The following SH2D3C variants were observed in gnomAD, a reference collection of about 807,000 sequenced individuals.
SH2D3C encodes the protein SH2 domain-containing protein 3C.
In SH2D3C, 25 loss-of-function variants were observed where a neutral mutation model predicts 75.2. The ratio of observed to expected loss-of-function variants is 0.33; its 90% CI spans 0.24 to 0.46. The LOEUF (loss-of-function observed/expected upper bound fraction) is 0.46, where lower values mean the gene tolerates loss of function less well. SH2D3C is among the 20% of genes least tolerant of loss of function. The pLI, the probability that SH2D3C is intolerant of heterozygous loss-of-function variation, is 1.00. For synonymous variants in SH2D3C, 450 were observed against 473.7 expected, an observed-to-expected ratio of 0.95 and a Z score of 0.65; for missense variants, 933 against 1,165.3, an observed-to-expected ratio of 0.80 and a Z score of 2.90.
chr9:127,744,535 C>T (rs1554795458), intron 7 of SH2D3C, 29 bp downstream of exon 7: 1 of 1,579,368 alleles, frequency 6.3e-7, no homozygotes, highest in Non-Finnish European at 8.6e-7. Flanking sequence ...GAGATGCTCC[C>T]TCCACCCCAG....
At position 127,738,782 on chromosome 9, in the gene SH2D3C, G is replaced by A. The variant is rs1351156894; in HGVS notation, c.2547C>T (p.His849=). The A allele has an allele frequency of 2.5e-6, 4 of 1,608,828 alleles. No homozygotes were observed. The highest frequency in any genetic ancestry group is 3.4e-6 in the Non-Finnish European group (4 of 1,177,794). The change falls in exon 12 of 12, where the codon CAC becomes CAT. Residue 849 remains histidine, a synonymous_variant. Coordinates refer to ENST00000314830, the MANE Select transcript of SH2D3C (RefSeq NM_170600.3). This position sits in a 1 kb window ranked among gnomAD's most constrained non-coding sequence, Gnocchi z 5.0. ...KFDKVLTALS[H]KLEPAVRSSE... ...TGGAGCGGACAGCAGGTTCCAGCTTGTGGGACAGGGCAGTGAGGACCTTGT... is the reference window on the plus strand; with the variant it reads ...TGGAGCGGACAGCAGGTTCCAGCTTATGGGACAGGGCAGTGAGGACCTTGT...
rs2131791036 is a variant in SH2D3C, at chr9:127,761,626, G to T, written c.540C>A (p.Gly180=). The stretch of plus-strand genomic sequence containing the variant: ...CCCCTCCTACCTTCACATAGTCGCT[G>T]CCAGCCTCTGGCTCTCCAGCAGCCC... ...SERAAGEPEA[G]SDYVKFSKEK... Residue 180 remains glycine, a synonymous_variant, in exon 3 of 12, where the codon GGC becomes GGA. Coordinates refer to ENST00000314830, the MANE Select transcript of SH2D3C (RefSeq NM_170600.3). 5.0e-6 allele frequency: 8 copies of T among 1,611,758 alleles called. No individual in the cohort carries two copies. Among genetic ancestry groups the T allele is most frequent in the Non-Finnish European group, 6.8e-6 (8 of 1,178,856 alleles).
chr9:127,756,738 G>A (rs374063175), intron 3 of SH2D3C, among the ~76,000 whole-genome samples: 14 of 141,704 alleles, frequency 9.9e-5, no homozygotes, highest in Admixed American at 7.7e-4. Context: ...TCCGCCTCCC[G>A]CGTTCATGCC....
Position 127,739,689 on chromosome 9 carries a change from C to T in SH2D3C, c.2400G>A (p.Lys800=), listed in dbSNP as rs543780293. 2.7e-5 allele frequency: 44 copies of T among 1,602,288 alleles called. No individual in the cohort carries two copies. The South Asian group carries it at 4.4e-4, about 16-fold the overall frequency. Residue 800 remains lysine (K), a synonymous_variant, in exon 11 of 12, where the codon AAG becomes AAA. Coordinates refer to ENST00000314830, the MANE Select transcript of SH2D3C (RefSeq NM_170600.3). The surrounding 1 kb of genome is among the most constrained non-coding windows in gnomAD (Gnocchi z 4.3). ...ATGCCACCCGCCACTCACCCTGCAG[C>T]TTGACTTCAGCATTGGTGTGGTACA... ...GGLYHTNAEV[K]LQGFQARPEL...
At chr9:127,761,419 G>T (rs1354166891) in intron 3 of SH2D3C, among the ~76,000 whole-genome samples, 192 bp downstream of exon 3, 1 of 152,124 alleles carries the variant, frequency 6.6e-6, no homozygotes, top group East Asian at 1.9e-4. Flanking sequence ...AATAATGGCT[G>T]GTGTAGGAAG....
chr9:127,773,643 A>G (rs1463053649), intron 2 of SH2D3C, among the ~76,000 whole-genome samples: 1 of 152,006 alleles, frequency 6.6e-6, no homozygotes, highest in Non-Finnish European at 1.5e-5. Context: ...CCAGATGTGT[A>G]CTGGGTTAAA....
rs1845149127 is a variant in SH2D3C, at chr9:127,749,948, G to A, written c.685-283C>T. 6.6e-6 allele frequency among the ~76,000 whole-genome samples: 1 copy of A among 152,072 alleles called. No individual in the cohort carries two copies. ...AGGCACAGAGGCCCAGGGTCTGGAG[G>A]AGTGAGAATGGCTGTGACCTGAGAC... On this transcript the variant is annotated intron_variant, in intron 4 of 11. Transcript: ENST00000314830. This position sits in a 1 kb window ranked among gnomAD's most constrained non-coding sequence, Gnocchi z 5.9.
rs960286239 is a variant in SH2D3C at position 127,742,784 on chromosome 9, C to T, written c.1916+65G>A. 2.1e-5 allele frequency: 28 copies of T among 1,307,588 alleles called. No homozygotes were observed. In the Admixed American group the frequency reaches 4.1e-4, roughly 19 times the overall value. 81.0% of individuals were successfully genotyped at this position (1,307,588 alleles called of 1,614,324 possible). A position where few individuals can be genotyped will look rare whatever the true frequency, so the allele number is the denominator to read the frequency against. ...GAGGCTGTGATTGGCCAACCCGCCCCGTCCAGCGGGGAGTGCGGTAGCCGG... is the reference window on the plus strand; with the variant it reads ...GAGGCTGTGATTGGCCAACCCGCCCTGTCCAGCGGGGAGTGCGGTAGCCGG... On this transcript the variant is annotated intron_variant, in intron 8 of 11. Transcript: ENST00000314830.
At chr9:127,769,461 G>A (rs1453278057) in intron 2 of SH2D3C, among the ~76,000 whole-genome samples, 3 of 151,916 alleles carry the variant, frequency 2.0e-5, no homozygotes, top group Non-Finnish European at 2.9e-5. Flanking sequence ...TGACCAACAT[G>A]GAGAAACTAC....
chr9:127,739,903 G>C lies in SH2D3C; in HGVS notation c.2201-15C>G, dbSNP rs1041673840. ...CGGCGGGCCTTCTGCAAGGAGAAAGGCAGCAGGCGCTTAAAGATCCTGTAG... is the reference window on the plus strand; with the variant it reads ...CGGCGGGCCTTCTGCAAGGAGAAAGCCAGCAGGCGCTTAAAGATCCTGTAG... On this transcript the variant is annotated splice_polypyrimidine_tract_variant and intron_variant, in intron 10 of 11. Coordinates refer to ENST00000314830, the MANE Select transcript of SH2D3C (RefSeq NM_170600.3). The surrounding 1 kb of genome is among the most constrained non-coding windows in gnomAD (Gnocchi z 4.3). 1.3e-6 allele frequency: 2 copies of C among 1,503,802 alleles called. No homozygotes were observed. The highest frequency in any genetic ancestry group is 4.2e-5 in the Admixed American group (2 of 47,082). The allele number at this position is 1,503,802 out of a possible 1,614,324, so 93.2% of individuals were successfully genotyped here.
intron 2 of SH2D3C, among the ~76,000 whole-genome samples, chr9:127,763,794 C>T (rs1845581546): frequency 6.6e-6 from 1 of 152,304 alleles, no homozygotes; most frequent in Non-Finnish European, 1.5e-5. Flanking sequence ...CTCCTTAAGA[C>T]GTTGTCTGAT....
At chr9:127,771,027 C>T (rs954305046) in intron 2 of SH2D3C, among the ~76,000 whole-genome samples, 7 of 152,184 alleles carry the variant, frequency 4.6e-5, no homozygotes, top group Non-Finnish European at 7.3e-5. Flanking sequence ...AGATGCCTGA[C>T]CTGCGGTGAC....
Position 127,771,346 on chromosome 9 carries a change from C to T in SH2D3C, c.515+2644G>A, listed in dbSNP as rs1034389390. 12 of 1,372,648 alleles carry T rather than the reference C, an allele frequency of 8.7e-6. No individual in the cohort carries two copies. In the African/African-American group the frequency reaches 1.5e-4, roughly 17 times the overall value. 85.0% of individuals were successfully genotyped at this position (1,372,648 alleles called of 1,614,324 possible). ...CCGGACTCCGGGGGCGGAGACTGAC[C>T]TGTAGACCACGCCCCCAGACACGCC... On this transcript the variant is annotated intron_variant, in intron 2 of 11. Transcript: ENST00000314830.
intron 9 of SH2D3C, among the ~76,000 whole-genome samples, chr9:127,740,752 CT>C (rs1224137491): frequency 2.0e-5 from 3 of 152,234 alleles, no homozygotes; most frequent in Non-Finnish European, 2.9e-5. Context: ...GCAATCTCGG[CT>C]CACTGCAAAC....
chr9:127,771,733 C>T (rs1383583336), intron 2 of SH2D3C, among the ~76,000 whole-genome samples: 1 of 152,220 alleles, frequency 6.6e-6, no homozygotes, highest in Non-Finnish European at 1.5e-5. Context: ...CGCCCCAGGA[C>T]CCATCATCAG....
At chr9:127,759,664 C>T (rs1234720674) in intron 3 of SH2D3C, among the ~76,000 whole-genome samples, 2 of 151,968 alleles carry the variant, frequency 1.3e-5, no homozygotes, top group South Asian at 2.1e-4. Context: ...GCCTGGGCAA[C>T]ACAGTGAGAC....
In SH2D3C at chr9:127,754,595, CG is replaced by C. The variant is rs1450368568; in HGVS notation, c.556-3296del. 6.6e-6 allele frequency among the ~76,000 whole-genome samples: 1 copy of C among 152,142 alleles called. No individual in the cohort carries two copies. Among genetic ancestry groups the C allele is most frequent in the African/African-American group, 2.4e-5 (1 of 41,438 alleles). On this transcript the variant is annotated intron_variant, in intron 3 of 11. Coordinates refer to ENST00000314830, the MANE Select transcript of SH2D3C (RefSeq NM_170600.3). This position sits in a 1 kb window ranked among gnomAD's most constrained non-coding sequence, Gnocchi z 4.4. ...GGCATGTCCAAGCCCACCTAGAGGG[CG>C]GGAGGGTGGCGGGCGCTCTGGCCCC...
At chr9:127,757,635 TGATGATGATG>T (rs1564419844) in intron 3 of SH2D3C, among the ~76,000 whole-genome samples, 123 of 109,162 alleles carry the variant, frequency 1.1e-3, no homozygotes, top group African/African-American at 3.4e-3. Context: ...ATGATGATGA[TGATGATGATG>T]ATTATTATTA....
Position 127,739,922 on chromosome 9 carries a change from C to G in SH2D3C, c.2201-34G>C, listed in dbSNP as rs752127209. ...AGAAAGGCAGCAGGCGCTTAAAGAT[C>G]CTGTAGTGCCCCACCATCCACTGCA... On this transcript the variant is annotated intron_variant, in intron 10 of 11. Transcript: ENST00000314830. The surrounding 1 kb of genome is among the most constrained non-coding windows in gnomAD (Gnocchi z 4.3). 1.6e-5 allele frequency: 23 copies of G among 1,479,130 alleles called. No individual in the cohort carries two copies. The highest frequency in any genetic ancestry group is 1.6e-5 in the Non-Finnish European group (18 of 1,104,118). The allele number at this position is 1,479,130 out of a possible 1,614,324, so 91.6% of individuals were successfully genotyped here.
Sources: gnomAD v4.1 joint callset for allele counts (sites outside exome capture counted in the v4.1 genomes callset) on GRCh38, gnomAD v4.1.1 for gene constraint, Gnocchi (gnomAD v3.1) non-coding constraint, MANE v1.5 for transcripts, NCBI Gene and HGNC (gene_info 2026-07-23, HGNC 2026-07-21) for gene names.